Variants in MRPS6 observed in about 807,000 individuals in gnomAD.
The protein encoded by MRPS6 is mitochondrial ribosomal protein S6.
A neutral mutation model predicts 13.1 loss-of-function variants in MRPS6; 6 were observed. The ratio of observed to expected loss-of-function variants is 0.46; its 90% confidence interval spans 0.25 to 0.91. The LOEUF (loss-of-function observed/expected upper bound fraction) is 0.91, where lower values mean the gene tolerates loss of function less well. Ranked by LOEUF, MRPS6 falls within the 40% of genes least tolerant of loss-of-function variation. The pLI, the probability that MRPS6 is intolerant of heterozygous loss-of-function variation, is 0.18. For missense variants in MRPS6, 164 were observed against 155.6 expected, an observed-to-expected ratio of 1.05 and a Z score of -0.29; for synonymous variants, 61 against 56.5, an observed-to-expected ratio of 1.08 and a Z score of -0.36.
In MRPS6 at chr21:34,126,779, G is replaced by C. The variant is rs115921077; in HGVS notation, c.185+1299G>C. Among the ~76,000 whole-genome samples the C allele has an allele frequency of 2.6e-3, 390 of 152,264 alleles. 3 individuals carry two copies. The highest frequency in any genetic ancestry group is 9.0e-3 in the African/African-American group (376 of 41,556). On this transcript the variant is annotated intron_variant, in intron 2 of 2. Transcript: ENST00000399312. ...CTCCACTCATGTAGTACTTCCAGGG[G>C]TTTCTGCCCTTTTTTCAAGTAGAGG...
At chr21:34,093,311 TTAAATCACTTTTCATAGCATAATTATTG>T (rs1439809095) in intron 1 of MRPS6, among the ~76,000 whole-genome samples, 2 of 151,840 alleles carry the variant, frequency 1.3e-5, no homozygotes, top group African/African-American at 4.8e-5. Context: ...TAGAAAGGAT[TTAAATCACTTTTCATAGCATAATTATTG>T]TATTGCTTAA....
chr21:34,097,789 ATTTC>A (rs1419499285), intron 1 of MRPS6: 15 of 999,992 alleles, frequency 1.5e-5, no homozygotes, highest in Non-Finnish European at 1.8e-5. Context: ...AGAAAAACTT[ATTTC>A]TTAGACATTG....
intron 1 of MRPS6, chr21:34,097,086 G>A (rs751408052): frequency 1.4e-5 from 22 of 1,613,926 alleles, no homozygotes; most frequent in East Asian, 2.2e-5. Flanking sequence ...ACCAGTTGAC[G>A]CTTACTCCAA....
intron 1 of MRPS6, chr21:34,103,624 A>G (rs1979347366): frequency 4.0e-6 from 4 of 1,000,006 alleles, no homozygotes; most frequent in Admixed American, 6.2e-5. Flanking sequence ...GCACAAGACT[A>G]ATAGTATTCT....
At position 34,142,766 on chromosome 21, in the gene MRPS6, TGGGGAACTG is replaced by T; in HGVS notation, c.*167_*175del. ...CTTGATCCCCTTTGCTTGCGAGAGGTGGGGAACTGCTCACTGACAGCTTCTCTGTAACCT... is the reference window on the plus strand; with the variant it reads ...CTTGATCCCCTTTGCTTGCGAGAGGTCTCACTGACAGCTTCTCTGTAACCT... On this transcript the variant is annotated 3_prime_UTR_variant, in exon 3 of 3. Transcript: ENST00000399312. 2.8e-6 allele frequency: 2 copies of T among 707,536 alleles called. No homozygotes were observed. Among genetic ancestry groups the T allele is most frequent in the South Asian group, 3.0e-5 (1 of 33,782 alleles). The allele number at this position is 707,536 out of a possible 1,614,324, so 43.8% of individuals were successfully genotyped here. A position where few individuals can be genotyped will look rare whatever the true frequency, so the allele number is the denominator to read the frequency against.
chr21:34,095,732 T>C, intron 1 of MRPS6: 3 of 1,581,492 alleles, frequency 1.9e-6, no homozygotes, highest in Non-Finnish European at 2.6e-6. Context: ...CCGGAGGCCT[T>C]GTTGCAGTGA....
intron 1 of MRPS6, among the ~76,000 whole-genome samples, chr21:34,087,171 T>G (rs1978431262): frequency 2.0e-5 from 3 of 152,196 alleles, no homozygotes; most frequent in African/African-American, 7.2e-5. Flanking sequence ...ATGAACATAT[T>G]TGTCTAGTCC....
rs980390581 is a variant in MRPS6 at position 34,083,199 on chromosome 21, C to T, written c.45+9454C>T. Among the ~76,000 whole-genome samples, 2 of 152,124 alleles carry T rather than the reference C, an allele frequency of 1.3e-5. 1 individual carries two copies. The highest frequency in any genetic ancestry group is 2.9e-5 in the Non-Finnish European group (2 of 68,018). On this transcript the variant is annotated intron_variant, in intron 1 of 2. Transcript: ENST00000399312. The stretch of plus-strand genomic sequence containing the variant: ...TAGCCGGGTTGCTGTGGATATAATC[C>T]AGTTTGAGAAAATTCTCATTGTGGT...
At chr21:34,081,927 A>G (rs1376011897) in intron 1 of MRPS6, among the ~76,000 whole-genome samples, 1 of 152,138 alleles carries the variant, frequency 6.6e-6, no homozygotes, top group Non-Finnish European at 1.5e-5. Context: ...TGTTTGAATT[A>G]GTGGTGTTGG....
intron 1 of MRPS6, among the ~76,000 whole-genome samples, chr21:34,121,779 C>G (rs112002376): frequency 1.3e-5 from 2 of 152,166 alleles, no homozygotes; most frequent in Non-Finnish European, 2.9e-5. Context: ...AGAACTTTTT[C>G]CCCTCTAAGC....
At chr21:34,116,611 C>T (rs1442756994) in intron 1 of MRPS6, among the ~76,000 whole-genome samples, 2 of 138 alleles carry the variant, frequency 0.014, no homozygotes, top group African/African-American at 0.071. Context: ...TCCTGCAGAC[C>T]CTGGCTACGG....
intron 1 of MRPS6, among the ~76,000 whole-genome samples, chr21:34,107,170 G>A (rs576386208): frequency 4.2e-4 from 64 of 152,342 alleles, no homozygotes; most frequent in African/African-American, 1.5e-3. Flanking sequence ...GACCTCAGGT[G>A]ATCCACCTGC....
intron 1 of MRPS6, chr21:34,102,612 C>T (rs1979296017): frequency 1.0e-6 from 1 of 1,000,038 alleles, no homozygotes. Context: ...AATAACTGTA[C>T]TTTATGTAAT....
chr21:34,075,764 AAC>A (rs1989315259), intron 1 of MRPS6, among the ~76,000 whole-genome samples: 1 of 152,252 alleles, frequency 6.6e-6, no homozygotes, highest in African/African-American at 2.4e-5. Flanking sequence ...ATGTGGCACA[AAC>A]ACAAAGACTT....
intron 1 of MRPS6, among the ~76,000 whole-genome samples, chr21:34,119,589 G>A (rs184373693): frequency 5.3e-5 from 8 of 152,274 alleles, no homozygotes; most frequent in African/African-American, 1.9e-4. Flanking sequence ...GAGGCGGGCA[G>A]GGTGTAGGTA....
Position 34,096,368 on chromosome 21 carries a change from C to T in MRPS6, c.45+22623C>T, listed in dbSNP as rs754217121. ...TCTTTAACAGTGCCAGTACCATATT[C>T]ACCCTCGATGTGTACAAACTTATCC... On this transcript the variant is annotated intron_variant, in intron 1 of 2. Transcript: ENST00000399312. The surrounding 1 kb of genome is among the most constrained non-coding windows in gnomAD (Gnocchi z 5.9). The T allele has an allele frequency of 6.2e-7, 1 of 1,614,186 alleles. No individual in the cohort carries two copies. The highest frequency in any genetic ancestry group is 8.5e-7 in the Non-Finnish European group (1 of 1,180,022).
rs770667501 is a variant in MRPS6, at chr21:34,142,420, G to A, written c.198G>A (p.Val66=). 11 of 1,568,862 alleles carry A rather than the reference G, an allele frequency of 7.0e-6. No individual in the cohort carries two copies. Residue 66 remains valine (V), a synonymous_variant, in exon 3 of 3, where the codon GTG becomes GTA. Transcript: ENST00000399312. ...QQHNRGGYFL[V]DFYAPTAAVE... The stretch of plus-strand genomic sequence containing the variant: ...TATTTTATTGCAGGTATTTCTTGGT[G>A]GATTTTTATGCACCCACCGCAGCTG...
intron 1 of MRPS6, chr21:34,098,403 A>G: frequency 1.0e-6 from 1 of 1,000,224 alleles, no homozygotes. Context: ...TCAAGGTTGA[A>G]TTTTTAGAGG....
At chr21:34,125,098 C>T in intron 1 of MRPS6, 1 of 507,296 alleles carries the variant, frequency 2.0e-6, no homozygotes, top group African/African-American at 2.0e-5. Flanking sequence ...TGCCCTGGTC[C>T]CTGAACTCTC....
Sources: allele counts gnomAD v4.1 joint callset (sites outside exome capture counted in the v4.1 genomes callset), GRCh38; gene constraint gnomAD v4.1.1; non-coding constraint Gnocchi (gnomAD v3.1); transcripts MANE v1.5; gene names NCBI Gene and HGNC (gene_info 2026-07-23, HGNC 2026-07-21).